DNAH6: variants seen among roughly 807,000 people sequenced by gnomAD.
DNAH6 encodes the protein axonemal beta dynein heavy chain 6.
Under a neutral mutation model 491.4 loss-of-function variants are expected in DNAH6, and 340 were observed. The observed-to-expected ratio is 0.69, with a 90% CI of 0.63 to 0.76. The LOEUF (loss-of-function observed/expected upper bound fraction) is 0.76, where lower values mean the gene tolerates loss of function less well. Ranked by LOEUF, DNAH6 falls within the 30% of genes least tolerant of loss-of-function variation. DNAH6 has a pLI of 0.00. For missense variants in DNAH6, 4,443 were observed against 4,972.2 expected (o/e 0.89, Z 3.20); for synonymous variants, 1,603 against 1,686.1 (o/e 0.95, Z 1.21).
At chr2:84,465,139 C>T in the DNAH6 span, among the ~76,000 whole-genome samples, 1 of 152,098 alleles carries the variant, frequency 6.6e-6, no homozygotes, top group Non-Finnish European at 1.5e-5. Context: ...TGGTAAGGTC[C>T]ATTCATAACG....
chr2:84,812,390 C>G lies in DNAH6; in HGVS notation c.11789C>G (p.Ser3930Cys). 7 of 1,552,012 alleles carry G rather than the reference C, an allele frequency of 4.5e-6. No individual in the cohort carries two copies. The highest frequency in any genetic ancestry group is 6.1e-6 in the Non-Finnish European group (7 of 1,147,050). ...NKAIAGFVVM[S>C]EEMEKVYNSF... ...GCCATCGCTGGATTTGTGGTGATGT[C>G]TGAAGAAATGGAAAAAGTGTATAAC... is the stretch of plus-strand genomic sequence containing the variant. Residue 3930 changes from serine to cysteine, a missense_variant, in exon 73 of 77, where the codon TCT (serine) becomes TGT (cysteine). Ser to Cys is a moderately radical substitution (Grantham distance 112, BLOSUM62 -1). Coordinates refer to ENST00000389394, the MANE Select transcript of DNAH6 (RefSeq NM_001370.2).
intron 59 of DNAH6, among the ~76,000 whole-genome samples, chr2:84,720,267 CTTTTTTTTTTTT>C (rs56944137): frequency 2.8e-4 from 14 of 49,524 alleles, no homozygotes; most frequent in African/African-American, 7.4e-4. Flanking sequence ...AAGAGTGCTT[CTTTTTTTTTTTT>C]TTTTTTTTTT....
chr2:84,570,678 C>A (rs533065714), intron 11 of DNAH6, among the ~76,000 whole-genome samples: 38 of 152,226 alleles, frequency 2.5e-4, no homozygotes, highest in South Asian at 4.2e-4. Flanking sequence ...AAAATGGGCC[C>A]ATTAGCACTC....
chr2:84,538,629 G>C (rs1009862361), intron 4 of DNAH6, among the ~76,000 whole-genome samples: 21 of 152,086 alleles, frequency 1.4e-4, no homozygotes, highest in Non-Finnish European at 1.5e-5. Context: ...TAACAGATGT[G>C]TTCTGTGATC....
Position 84,525,671 on chromosome 2 carries a change from C to T in DNAH6, c.332C>T (p.Ala111Val). ...AGIIKRPVSI[A>V]KKSFATSSTQ... ...ATCATTAAACGTCCAGTAAGCATAG[C>T]AAAAAAAAGTTTTGCCACATCATCT... is the stretch of plus-strand genomic sequence containing the variant. Residue 111 changes from alanine to valine, a missense_variant, in exon 3 of 77, where the codon GCA becomes GTA. Around this residue, in one of 3 missense-constraint regions of DNAH6, gnomAD observed 2,977 missense variants for 3,296.6 expected, o/e 0.90. Transcript: ENST00000389394. 1 of 1,548,316 alleles carries T rather than the reference C, an allele frequency of 6.5e-7. No individual in the cohort carries two copies. The highest frequency in any genetic ancestry group is 8.7e-7 in the Non-Finnish European group (1 of 1,145,320).
chr2:84,732,900 T>C (rs1339769940), intron 61 of DNAH6, among the ~76,000 whole-genome samples: 1 of 152,222 alleles, frequency 6.6e-6, no homozygotes, highest in Non-Finnish European at 1.5e-5. Flanking sequence ...TTTAAAACTG[T>C]TTGCCCACAT....
intron 63 of DNAH6, among the ~76,000 whole-genome samples, chr2:84,754,808 G>A (rs956705300): frequency 6.6e-6 from 1 of 152,178 alleles, no homozygotes; most frequent in African/African-American, 2.4e-5. Context: ...GAGCTTGTCA[G>A]TTCCTGAAAA....
At chr2:84,752,236 T>C (rs572521468) in intron 63 of DNAH6, among the ~76,000 whole-genome samples, 1 of 152,346 alleles carries the variant, frequency 6.6e-6, no homozygotes. Flanking sequence ...TAAGTCCTTA[T>C]TGTTAATTCT....
Position 84,749,197 on chromosome 2 carries a change from G to A in DNAH6, c.10512+3948G>A, listed in dbSNP as rs1212341985. ...ACATTCAAACTCTGTCATTCTGTAGGAAGACAGAAAATAAGTTATGTGGTT... is the reference window on the plus strand; with the variant it reads ...ACATTCAAACTCTGTCATTCTGTAGAAAGACAGAAAATAAGTTATGTGGTT... On this transcript the variant is annotated intron_variant, in intron 63 of 76. Coordinates refer to ENST00000389394, the MANE Select transcript of DNAH6 (RefSeq NM_001370.2). Among the ~76,000 whole-genome samples, 3 of 152,068 alleles carry A rather than the reference G, an allele frequency of 2.0e-5. No individual in the cohort carries two copies. In the East Asian group the frequency reaches 5.8e-4, roughly 29 times the overall value.
At chr2:84,484,794 G>A in the DNAH6 span, among the ~76,000 whole-genome samples, 1 of 152,166 alleles carries the variant, frequency 6.6e-6, no homozygotes, top group African/African-American at 2.4e-5. Flanking sequence ...AAGGCAGCAT[G>A]GTCACAGATT....
chr2:84,591,907 G>T (rs1684154575), intron 16 of DNAH6, among the ~76,000 whole-genome samples: 1 of 152,118 alleles, frequency 6.6e-6, no homozygotes, highest in Non-Finnish European at 1.5e-5. Context: ...ATATGCAAAA[G>T]AATGAAGCTG....
In DNAH6 at chr2:84,713,201, A is replaced by G. The variant is rs1319788702; in HGVS notation, c.9485A>G (p.Asp3162Gly). 2 of 1,552,010 alleles carry G rather than the reference A, an allele frequency of 1.3e-6. No homozygotes were observed. Among genetic ancestry groups the G allele is most frequent in the Non-Finnish European group, 1.7e-6 (2 of 1,147,096 alleles). ...CTTGGAGACTCAGACATTGATTATG[A>G]CAAAAACTTTAGGTTCTATATGACA... ...IRLGDSDIDY[D>G]KNFRFYMTTK... is the part of the protein sequence containing the mutation. The change falls in exon 57 of 77, where the codon GAC (aspartate) becomes GGC (glycine). Residue 3162 changes from aspartate to glycine, a missense_variant. This residue lies in a region of DNAH6 where 1,463 missense variants were observed against 1,656.6 expected (regional missense o/e 0.88). Coordinates refer to ENST00000389394, the MANE Select transcript of DNAH6 (RefSeq NM_001370.2).
At chr2:84,531,354 A>T (rs868665162) in intron 4 of DNAH6, among the ~76,000 whole-genome samples, 1,160 of 6,048 alleles carry the variant, frequency 0.19, 484 homozygotes, top group Admixed American at 0.24. Context: ...ATTTTTTTTT[A>T]TTTTTTTTTT....
At chr2:84,560,454 CTT>C (rs201362465) in intron 11 of DNAH6, among the ~76,000 whole-genome samples, 39 of 131,058 alleles carry the variant, frequency 3.0e-4, no homozygotes, top group African/African-American at 1.0e-3. Flanking sequence ...TTTTTTTTTT[CTT>C]TTTTTTTTTA....
chr2:84,460,191 TC>T, the DNAH6 span: 1 of 152,228 alleles, frequency 6.6e-6, no homozygotes, highest in East Asian at 1.9e-4. Context: ...ACTTAGGTAG[TC>T]ATTATAATTG....
the DNAH6 span, among the ~76,000 whole-genome samples, chr2:84,508,032 T>G: frequency 6.6e-6 from 1 of 152,202 alleles, no homozygotes; most frequent in Non-Finnish European, 1.5e-5. Flanking sequence ...AATTCTCTTT[T>G]TTGGTTGTGT....
chr2:84,494,203 C>G, the DNAH6 span, among the ~76,000 whole-genome samples: 1 of 152,298 alleles, frequency 6.6e-6, no homozygotes, highest in Non-Finnish European at 1.5e-5. Context: ...CCAGGACTCA[C>G]ACGTTGGTCT....
chr2:84,577,415 A>G lies in DNAH6; in HGVS notation c.2076+7A>G, dbSNP rs1682565803. The G allele has an allele frequency of 1.3e-6, 2 of 1,553,666 alleles. No homozygotes were observed. The highest frequency in any genetic ancestry group is 1.2e-5 in the South Asian group (1 of 81,636). On this transcript the variant is annotated splice_region_variant and intron_variant, in intron 13 of 76. Transcript: ENST00000389394. Reference sequence around the variant, plus strand: ...ACCTTTGCGATGCTTAGAGGTAACTATAAACTAGAAAAAAAAATAATTATT... The same window carrying G: ...ACCTTTGCGATGCTTAGAGGTAACTGTAAACTAGAAAAAAAAATAATTATT...
intron 62 of DNAH6, among the ~76,000 whole-genome samples, chr2:84,739,484 A>T (rs1672311597): frequency 6.6e-6 from 1 of 152,250 alleles, no homozygotes; most frequent in Non-Finnish European, 1.5e-5. Context: ...CATGAATGCC[A>T]GTAAGTCATA....
Sources: allele counts gnomAD v4.1 joint callset (sites outside exome capture counted in the v4.1 genomes callset), GRCh38; gene constraint gnomAD v4.1.1; regional missense constraint gnomAD v4.1.1; transcripts MANE v1.5; gene names NCBI Gene and HGNC (gene_info 2026-07-23, HGNC 2026-07-21).